Variants in DPP10 observed in about 807,000 individuals in gnomAD.
The protein encoded by DPP10 is inactive dipeptidyl peptidase 10.
DPP10 carries 33 observed loss-of-function variants against 120.9 expected under a neutral mutation model. The ratio of observed to expected loss-of-function variants is 0.27; its 90% CI spans 0.21 to 0.37. The LOEUF (loss-of-function observed/expected upper bound fraction) is 0.37. Among genes scored for constraint, DPP10 ranks in the 10% least tolerant of loss-of-function variants. DPP10 has a pLI of 1.00. For missense variants in DPP10, 816 were observed against 942.8 expected (o/e 0.87, Z 1.76); for synonymous variants, 337 against 326.1 (o/e 1.03, Z -0.36).
chr2:115,652,890 A>G (rs946428274), intron 5 of DPP10, among the ~76,000 whole-genome samples: 2 of 151,964 alleles, frequency 1.3e-5, no homozygotes, highest in African/African-American at 4.8e-5. Context: ...ACGTGACTGG[A>G]CACCCTGTGG....
At chr2:115,591,537 G>A (rs80281821) in intron 5 of DPP10, among the ~76,000 whole-genome samples, 1,577 of 152,174 alleles carry the variant, frequency 0.01, 15 homozygotes, top group Non-Finnish European at 0.015. Flanking sequence ...TACCAGTACC[G>A]TGCTGTTTTG....
At chr2:114,716,469 G>T (rs1701353857) in intron 1 of DPP10, among the ~76,000 whole-genome samples, 1 of 152,020 alleles carries the variant, frequency 6.6e-6, no homozygotes, top group South Asian at 2.1e-4. Context: ...TTATCCAATA[G>T]AACTTTATCC....
rs188279513 is a variant in DPP10, at chr2:115,626,960, A to G, written c.442-62727A>G. ...TGGCTGATTTCAGGTCTGCAACAAG[A>G]AAGAACAAATTGGGTTATGCCAGAA... On this transcript the variant is annotated intron_variant, in intron 5 of 25. Coordinates refer to ENST00000410059, the MANE Select transcript of DPP10 (RefSeq NM_020868.6). 3.8e-3 allele frequency among the ~76,000 whole-genome samples: 573 copies of G among 152,268 alleles called. 4 individuals are homozygous for G. Among genetic ancestry groups the G allele is most frequent in the Admixed American group, 6.7e-3 (103 of 15,278 alleles).
intron 1 of DPP10, among the ~76,000 whole-genome samples, chr2:114,527,144 T>C (rs1685571050): frequency 1.3e-5 from 2 of 152,210 alleles, no homozygotes; most frequent in Admixed American, 1.3e-4. Flanking sequence ...TGAGATATAA[T>C]TATGGTTGTG....
intron 1 of DPP10, among the ~76,000 whole-genome samples, chr2:114,730,703 C>G (rs1223162338): frequency 1.3e-5 from 2 of 152,094 alleles, no homozygotes; most frequent in Non-Finnish European, 1.5e-5. Flanking sequence ...AAGCGATTCT[C>G]CTGCCTCCGC....
In DPP10 at chr2:115,726,894, C is replaced by G. The variant is rs187559594; in HGVS notation, c.577-922C>G. 4.9e-3 allele frequency among the ~76,000 whole-genome samples: 751 copies of G among 152,168 alleles called. 4 individuals are homozygous for G. Among genetic ancestry groups the G allele is most frequent in the Non-Finnish European group, 8.1e-3 (551 of 67,970 alleles). ...CTAGGATACAGGGGCCCTATGCCAT[C>G]TTTCACCTTCTTAGTAGAATGTTTG... On this transcript the variant is annotated intron_variant, in intron 7 of 25. Coordinates refer to ENST00000410059, the MANE Select transcript of DPP10 (RefSeq NM_020868.6).
At chr2:115,003,403 C>T (rs1574673399) in intron 1 of DPP10, among the ~76,000 whole-genome samples, 1 of 151,914 alleles carries the variant, frequency 6.6e-6, no homozygotes, top group Admixed American at 6.6e-5. Flanking sequence ...GAAAAAATAC[C>T]TTATTGGGTA....
intron 24 of DPP10, among the ~76,000 whole-genome samples, chr2:115,840,319 G>GTTTTTTGTTTTTTTTT (rs1689980637): frequency 1.3e-5 from 1 of 79,510 alleles, no homozygotes; most frequent in African/African-American, 4.6e-5. Flanking sequence ...AGGTTTTTTG[G>GTTTTTTGTTTTTTTTT]TTTTTTTTTT....
chr2:115,165,305 G>A (rs1366134581), intron 1 of DPP10, among the ~76,000 whole-genome samples: 1 of 152,144 alleles, frequency 6.6e-6, no homozygotes, highest in Non-Finnish European at 1.5e-5. Context: ...GGAAGTTATT[G>A]TGGAAGTGAG....
intron 1 of DPP10, among the ~76,000 whole-genome samples, chr2:114,720,701 T>C (rs1701649603): frequency 6.6e-6 from 1 of 152,228 alleles, no homozygotes; most frequent in African/African-American, 2.4e-5. Context: ...TGACTAGTGC[T>C]CACCCATATC....
At chr2:114,723,159 C>T (rs1045214468) in intron 1 of DPP10, among the ~76,000 whole-genome samples, 6 of 152,124 alleles carry the variant, frequency 3.9e-5, no homozygotes, top group Admixed American at 1.3e-4. Context: ...TTATGGTCAT[C>T]GAACTTCCTA....
intron 5 of DPP10, among the ~76,000 whole-genome samples, chr2:115,555,898 T>G (rs1259681374): frequency 6.6e-6 from 1 of 152,076 alleles, no homozygotes; most frequent in Non-Finnish European, 1.5e-5. Flanking sequence ...AGGAGGTGCA[T>G]AGAGGATATT....
chr2:115,592,589 CA>C (rs56189518), intron 5 of DPP10, among the ~76,000 whole-genome samples: 143,601 of 146,550 alleles, frequency 0.98, 70,388 homozygotes, highest in Non-Finnish European at 1. Flanking sequence ...ACAAAAAAAA[CA>C]AAAAAAAAAA....
At chr2:115,311,834 T>C (rs1431804912) in intron 2 of DPP10, among the ~76,000 whole-genome samples, 1 of 152,160 alleles carries the variant, frequency 6.6e-6, no homozygotes. Flanking sequence ...GGTGCAATCA[T>C]GGCTCACTGC....
chr2:115,707,666 G>T (rs2092172887), intron 7 of DPP10, among the ~76,000 whole-genome samples: 1 of 151,288 alleles, frequency 6.6e-6, no homozygotes, highest in African/African-American at 2.4e-5. Context: ...TATTATTATG[G>T]GACTAGTAAA....
chr2:115,642,826 A>G (rs2086896194), intron 5 of DPP10, among the ~76,000 whole-genome samples: 1 of 152,088 alleles, frequency 6.6e-6, no homozygotes, highest in African/African-American at 2.4e-5. Flanking sequence ...TTTAATATAT[A>G]CTATATTGTA....
chr2:114,494,947 T>TGTA (rs1682374971), intron 1 of DPP10, among the ~76,000 whole-genome samples: 1 of 152,128 alleles, frequency 6.6e-6, no homozygotes, highest in Non-Finnish European at 1.5e-5. Context: ...GAGTTCATTT[T>TGTA]GTAGTGAAAT....
intron 3 of DPP10, among the ~76,000 whole-genome samples, chr2:115,422,264 A>G (rs1264219019): frequency 6.6e-6 from 1 of 152,232 alleles, no homozygotes; most frequent in Non-Finnish European, 1.5e-5. Context: ...TAGCAAAGGC[A>G]ACATAGAACT....
At chr2:115,461,718 CATT>C (rs1238515015) in intron 3 of DPP10, among the ~76,000 whole-genome samples, 1 of 152,074 alleles carries the variant, frequency 6.6e-6, no homozygotes, top group Non-Finnish European at 1.5e-5. Context: ...TTTTCTCTCT[CATT>C]ATATAATAGA....
Sources: gnomAD v4.1 joint callset for allele counts (sites outside exome capture counted in the v4.1 genomes callset) on GRCh38, gnomAD v4.1.1 for gene constraint, MANE v1.5 for transcripts, NCBI Gene and HGNC (gene_info 2026-07-23, HGNC 2026-07-21) for gene names.